RGS22: variants seen among roughly 807,000 people sequenced by gnomAD.
The protein encoded by RGS22 is regulator of G protein signaling 22.
A neutral mutation model predicts 172.9 loss-of-function variants in RGS22; 148 were observed. That is an observed-to-expected ratio of 0.86 (90% confidence interval 0.75 to 0.98). The LOEUF is 0.98. Ranked by LOEUF, RGS22 falls within the 50% of genes least tolerant of loss-of-function variation. The pLI is 0.00. For synonymous variants in RGS22, 458 were observed against 480.2 expected, an observed-to-expected ratio of 0.95 and a Z score of 0.60; for missense variants, 1,347 against 1,440.8, an observed-to-expected ratio of 0.93 and a Z score of 1.05.
intron 11 of RGS22, among the ~76,000 whole-genome samples, chr8:100,045,060 T>C (rs960889604): frequency 5.9e-5 from 9 of 151,742 alleles, no homozygotes; most frequent in African/African-American, 2.2e-4. Flanking sequence ...GAGGATTGCT[T>C]GAGGCCAGGA....
Position 100,093,480 on chromosome 8 carries a change from A to C in RGS22, c.84T>G (p.Leu28=). 6.3e-7 allele frequency: 1 copy of C among 1,599,674 alleles called. No individual in the cohort carries two copies. The highest frequency in any genetic ancestry group is 8.5e-7 in the Non-Finnish European group (1 of 1,170,168). ...FEDSLATDDF[L]VDYFNEFLSL... is the part of the protein sequence containing the mutation. ...TTAGGAATTCATTAAAGTAGTCTAC[A>C]AGGAAATCATCTGTTGCCAGAGAAT... The change falls in exon 3 of 28, where the codon CTT becomes CTG. Residue 28 remains leucine, a synonymous_variant. Coordinates refer to ENST00000360863, the MANE Select transcript of RGS22 (RefSeq NM_015668.5).
intron 14 of RGS22, among the ~76,000 whole-genome samples, chr8:100,020,937 G>A (rs757808041): frequency 4.6e-5 from 7 of 152,176 alleles, no homozygotes; most frequent in Non-Finnish European, 8.8e-5. Flanking sequence ...TCTGCATTCA[G>A]TGACGTCACT....
At chr8:100,085,785 C>A (rs913179386) in intron 3 of RGS22, among the ~76,000 whole-genome samples, 4 of 152,198 alleles carry the variant, frequency 2.6e-5, no homozygotes, top group African/African-American at 4.8e-5. Context: ...CTACAGGGCA[C>A]ATACACATAG....
chr8:100,009,909 G>A (rs1816186813), intron 14 of RGS22, among the ~76,000 whole-genome samples: 1 of 152,170 alleles, frequency 6.6e-6, no homozygotes, highest in Non-Finnish European at 1.5e-5. Flanking sequence ...CTATTCTGAA[G>A]AAGCCAATTT....
chr8:100,070,747 C>T (rs948672966), intron 6 of RGS22, among the ~76,000 whole-genome samples: 5 of 152,048 alleles, frequency 3.3e-5, no homozygotes, highest in Non-Finnish European at 7.4e-5. Context: ...GCTAAATCTG[C>T]TTTACATGTA....
intron 3 of RGS22, among the ~76,000 whole-genome samples, chr8:100,092,688 T>A (rs1300958041): frequency 6.6e-6 from 1 of 152,188 alleles, no homozygotes. Context: ...TCCAGAACTG[T>A]GAGCCAAATA....
At position 100,008,583 on chromosome 8, in the gene RGS22, G is replaced by A; in HGVS notation, c.2167-14C>T. ...GGCAAAAAGATACTGAAGGAGAAGA[G>A]GGAAGAAGGGAGAAGATGTTAAGAG... On this transcript the variant is annotated splice_polypyrimidine_tract_variant and intron_variant, in intron 14 of 27. Transcript: ENST00000360863. The A allele has an allele frequency of 1.3e-6, 2 of 1,591,340 alleles. No homozygotes were observed. The highest frequency in any genetic ancestry group is 1.7e-6 in the Non-Finnish European group (2 of 1,168,196).
At chr8:100,081,510 C>G (rs980638473) in intron 3 of RGS22, among the ~76,000 whole-genome samples, 3 of 151,786 alleles carry the variant, frequency 2.0e-5, no homozygotes, top group African/African-American at 7.3e-5. Context: ...AGCCTTAGGA[C>G]TAAGAGTTTC....
chr8:100,015,785 T>C (rs998281357), intron 14 of RGS22, among the ~76,000 whole-genome samples: 1 of 152,142 alleles, frequency 6.6e-6, no homozygotes, highest in African/African-American at 2.4e-5. Context: ...AAAACTCAGT[T>C]TTCTGACCAA....
At chr8:100,083,400 G>C (rs1234243927) in intron 3 of RGS22, among the ~76,000 whole-genome samples, 3 of 152,132 alleles carry the variant, frequency 2.0e-5, no homozygotes, top group Non-Finnish European at 4.4e-5. Context: ...ACTGAGTCTT[G>C]CTCTGTCCTC....
At position 100,030,157 on chromosome 8, in the gene RGS22, C is replaced by CT. The variant is rs576274587; in HGVS notation, c.2166+8773dup. 5.2e-3 allele frequency among the ~76,000 whole-genome samples: 793 copies of CT among 152,304 alleles called. 7 individuals are homozygous for CT. Among genetic ancestry groups the CT allele is most frequent in the Non-Finnish European group, 8.2e-3 (555 of 68,040 alleles). The stretch of plus-strand genomic sequence containing the variant: ...ATGGTGGTCTCATAATATAATGGAG[C>CT]TGGAAAATTCCTATTGCCTAGTAAC... On this transcript the variant is annotated intron_variant, in intron 14 of 27. Coordinates refer to ENST00000360863, the MANE Select transcript of RGS22 (RefSeq NM_015668.5).
chr8:99,979,215 C>T (rs1234871273), intron 22 of RGS22, among the ~76,000 whole-genome samples: 1 of 152,050 alleles, frequency 6.6e-6, no homozygotes, highest in Non-Finnish European at 1.5e-5. Context: ...AGCTTAAATA[C>T]TCCTCCTCCT....
intron 6 of RGS22, among the ~76,000 whole-genome samples, chr8:100,069,119 G>GA (rs577941436): frequency 1.1e-4 from 16 of 148,806 alleles, no homozygotes; most frequent in East Asian, 3.9e-4. Flanking sequence ...AGATGCAAAT[G>GA]AAAAAAAAAA....
At chr8:100,017,981 A>G (rs1817187555) in intron 14 of RGS22, among the ~76,000 whole-genome samples, 1 of 152,162 alleles carries the variant, frequency 6.6e-6, no homozygotes, top group South Asian at 2.1e-4. Flanking sequence ...CATGAGTCCA[A>G]TTTAAACATT....
At chr8:99,981,160 A>T (rs1812510367) in intron 22 of RGS22, among the ~76,000 whole-genome samples, 1 of 152,174 alleles carries the variant, frequency 6.6e-6, no homozygotes, top group African/African-American at 2.4e-5. Flanking sequence ...ATTTTTTAGT[A>T]ACAACATCAC....
rs1811647520 is a variant in RGS22 at position 100,080,177 on chromosome 8, G to A, written c.296C>T (p.Ala99Val). 6.2e-7 allele frequency: 1 copy of A among 1,612,666 alleles called. No homozygotes were observed. The highest frequency in any genetic ancestry group is 8.5e-7 in the Non-Finnish European group (1 of 1,178,888). Residue 99 changes from alanine to valine, a missense_variant, in exon 4 of 28, where the codon GCC (alanine) becomes GTC (valine). Physicochemically the swap from Ala to Val is moderately conservative, Grantham distance 64. Transcript: ENST00000360863. ...ATTAATGGTCTCATCTTCATCGGGG[G>A]CATTCATTTGAACAGGTTTAACCTC... ...KNEVKPVQMNAPDEDETINVN... is the reference protein window; with the variant it reads ...KNEVKPVQMNVPDEDETINVN...
At chr8:100,028,170 A>T (rs1818383326) in intron 14 of RGS22, among the ~76,000 whole-genome samples, 1 of 152,136 alleles carries the variant, frequency 6.6e-6, no homozygotes, top group Admixed American at 6.5e-5. Context: ...TATCCATGAC[A>T]GTCCCATTGT....
chr8:100,085,730 A>C (rs142339734), intron 3 of RGS22, among the ~76,000 whole-genome samples: 1 of 152,286 alleles, frequency 6.6e-6, no homozygotes, highest in Non-Finnish European at 1.5e-5. Context: ...GAAGGATGAC[A>C]CTCATTGATG....
At chr8:100,088,268 C>CA (rs1812307548) in intron 3 of RGS22, among the ~76,000 whole-genome samples, 1 of 152,138 alleles carries the variant, frequency 6.6e-6, no homozygotes, top group South Asian at 2.1e-4. Context: ...AAACACATGA[C>CA]ATACCTATCC....
Sources: allele counts gnomAD v4.1 joint callset (sites outside exome capture counted in the v4.1 genomes callset), GRCh38; gene constraint gnomAD v4.1.1; transcripts MANE v1.5; gene names NCBI Gene and HGNC (gene_info 2026-07-23, HGNC 2026-07-21).